The following AP3B1 variants were observed in gnomAD, a reference collection of about 807,000 sequenced individuals.
AP3B1 encodes AP-3 complex subunit beta-1.
In AP3B1, 61 loss-of-function variants were observed where a neutral mutation model predicts 132.5. The ratio of observed to expected loss-of-function variants is 0.46; its 90% CI spans 0.37 to 0.57. The LOEUF is 0.57. Among genes scored for constraint, AP3B1 ranks in the 20% least tolerant of loss-of-function variants. The probability of loss-of-function intolerance (pLI) is 0.00; values close to 1 mark genes in which losing one functional copy is unlikely to be tolerated. For synonymous variants in AP3B1, 388 were observed against 438.3 expected, an observed-to-expected ratio of 0.89 and a Z score of 1.43; for missense variants, 1,120 against 1,289.4, an observed-to-expected ratio of 0.87 and a Z score of 2.01.
chr5:78,010,906 A>G (rs940355488), intron 26 of AP3B1, among the ~76,000 whole-genome samples: 1 of 152,168 alleles, frequency 6.6e-6, no homozygotes, highest in African/African-American at 2.4e-5. Context: ...CAGGAAGTGA[A>G]GATATTCAGC....
At chr5:78,183,215 A>C (rs1298932231) in intron 7 of AP3B1, among the ~76,000 whole-genome samples, 1 of 152,202 alleles carries the variant, frequency 6.6e-6, no homozygotes, top group African/African-American at 2.4e-5. Flanking sequence ...TCAGTGGAGG[A>C]TAAGCAGGGA....
Position 78,002,901 on chromosome 5 carries a change from G to T in AP3B1, c.*1C>A, listed in dbSNP as rs1021165592. 5 of 1,614,052 alleles carry T rather than the reference G, an allele frequency of 3.1e-6. No individual in the cohort carries two copies. The highest frequency in any genetic ancestry group is 2.7e-5 in the African/African-American group (2 of 74,932). On this transcript the variant is annotated 3_prime_UTR_variant, in exon 27 of 27. Coordinates refer to ENST00000255194, the MANE Select transcript of AP3B1 (RefSeq NM_003664.5). ...GATTCTAAAGTCCAGATGTAAGCAG[G>T]TTACCCCTGAGACAGGACAGGCTTC...
chr5:78,291,420 G>GAAAAAAAAAAAA (rs5868911), intron 1 of AP3B1, among the ~76,000 whole-genome samples: 11 of 85,704 alleles, frequency 1.3e-4, no homozygotes, highest in Non-Finnish European at 1.7e-4. Context: ...CAGATAATTT[G>GAAAAAAAAAAAA]AAAAAAAAAA....
chr5:78,094,525 T>G (rs1391232782), intron 21 of AP3B1, among the ~76,000 whole-genome samples: 1 of 152,066 alleles, frequency 6.6e-6, no homozygotes, highest in Non-Finnish European at 1.5e-5. Flanking sequence ...AACCAAATTG[T>G]TTTGTAGTAG....
Position 78,045,713 on chromosome 5 carries a change from C to T in AP3B1, c.2578-6439G>A, listed in dbSNP as rs532726591. ...CTAAGATGCTCAACATTGCAAATGG[C>T]GTTCTTGACTTCATATTTTATAGAC... On this transcript the variant is annotated intron_variant, in intron 22 of 26. Transcript: ENST00000255194. 5.3e-5 allele frequency among the ~76,000 whole-genome samples: 8 copies of T among 152,208 alleles called. No homozygotes were observed. The East Asian group carries it at 1.3e-3, about 26-fold the overall frequency.
chr5:78,253,219 G>A (rs755242817), intron 2 of AP3B1, among the ~76,000 whole-genome samples: 2 of 152,184 alleles, frequency 1.3e-5, no homozygotes, highest in Non-Finnish European at 1.5e-5. Flanking sequence ...CAACACCCAC[G>A]TTCTTTCAAA....
At chr5:78,166,398 T>G (rs1419573785) in intron 11 of AP3B1, among the ~76,000 whole-genome samples, 1 of 152,148 alleles carries the variant, frequency 6.6e-6, no homozygotes, top group African/African-American at 2.4e-5. Context: ...TTTAGTAAAG[T>G]TAGAAAACAA....
chr5:78,032,986 T>C (rs1747643268), intron 24 of AP3B1, among the ~76,000 whole-genome samples: 1 of 152,118 alleles, frequency 6.6e-6, no homozygotes, highest in Non-Finnish European at 1.5e-5. Flanking sequence ...TTCAAGAGAC[T>C]ATAAAGGAAG....
chr5:78,213,731 C>T (rs115858392), intron 7 of AP3B1, among the ~76,000 whole-genome samples: 2,727 of 152,126 alleles, frequency 0.018, 38 homozygotes, highest in Non-Finnish European at 0.029. Flanking sequence ...CCAATAATTG[C>T]CTCTAAGGCG....
chr5:78,178,543 C>T (rs1456482506), intron 8 of AP3B1, among the ~76,000 whole-genome samples: 3 of 152,128 alleles, frequency 2.0e-5, no homozygotes, highest in African/African-American at 7.2e-5. Context: ...AATCATTGAA[C>T]CCAGGAGGTA....
intron 3 of AP3B1, among the ~76,000 whole-genome samples, chr5:78,236,264 T>A (rs998704394): frequency 6.6e-6 from 1 of 152,148 alleles, no homozygotes; most frequent in Non-Finnish European, 1.5e-5. Context: ...ATTTTCTGTT[T>A]ACAACAAGAA....
chr5:78,101,177 T>C (rs1196993486), intron 20 of AP3B1, 152 bp from the exon 21 acceptor site: 2 of 587,934 alleles, frequency 3.4e-6, no homozygotes, highest in South Asian at 4.3e-5. Flanking sequence ...TTTTCCTGAA[T>C]CAACATTTGT....
At chr5:78,267,979 A>G (rs1284311077) in intron 1 of AP3B1, among the ~76,000 whole-genome samples, 1 of 152,250 alleles carries the variant, frequency 6.6e-6, no homozygotes, top group Non-Finnish European at 1.5e-5. Context: ...TTATTATGAA[A>G]AAAATGAGCC....
chr5:78,118,734 T>C (rs1010681211), intron 17 of AP3B1, among the ~76,000 whole-genome samples: 3 of 152,190 alleles, frequency 2.0e-5, no homozygotes, highest in Non-Finnish European at 4.4e-5. Context: ...CTCTGTAGGC[T>C]CCACCTCTGG....
intron 21 of AP3B1, among the ~76,000 whole-genome samples, chr5:78,090,206 T>C (rs980363938): frequency 6.6e-6 from 1 of 152,212 alleles, no homozygotes; most frequent in African/African-American, 2.4e-5. Context: ...CCTATGCTAA[T>C]GGAAATGTTC....
chr5:78,269,233 T>C (rs1561211715), intron 1 of AP3B1, among the ~76,000 whole-genome samples: 1 of 152,342 alleles, frequency 6.6e-6, no homozygotes. Flanking sequence ...TATATTCATT[T>C]TTAATTTACC....
intron 25 of AP3B1, among the ~76,000 whole-genome samples, chr5:78,020,232 A>G (rs1423833623): frequency 6.6e-6 from 1 of 152,166 alleles, no homozygotes; most frequent in Non-Finnish European, 1.5e-5. Flanking sequence ...TTTTAATGCC[A>G]TAATTAGGAG....
intron 22 of AP3B1, among the ~76,000 whole-genome samples, chr5:78,082,032 T>C (rs1470835322): frequency 6.6e-6 from 1 of 152,210 alleles, no homozygotes; most frequent in Non-Finnish European, 1.5e-5. Context: ...TAATCCTTTC[T>C]GTACAATAAG....
intron 13 of AP3B1, among the ~76,000 whole-genome samples, chr5:78,161,665 T>G (rs1743392678): frequency 6.6e-6 from 1 of 151,992 alleles, no homozygotes; most frequent in African/African-American, 2.4e-5. Flanking sequence ...ATTTTAAACC[T>G]ATCGTCTTGA....
Sources: gnomAD v4.1 joint callset for allele counts (sites outside exome capture counted in the v4.1 genomes callset) on GRCh38, gnomAD v4.1.1 for gene constraint, MANE v1.5 for transcripts, NCBI Gene and HGNC (gene_info 2026-07-23, HGNC 2026-07-21) for gene names.